Variants in DMXL2 observed in about 807,000 individuals in gnomAD.
DMXL2 encodes the protein dmX-like protein 2.
In DMXL2, 103 loss-of-function variants were observed where a neutral mutation model predicts 331.1. The observed-to-expected ratio is 0.31, with a 90% confidence interval of 0.27 to 0.37. The LOEUF is 0.37. Ranked by LOEUF, DMXL2 falls within the 10% of genes least tolerant of loss-of-function variation. The probability of loss-of-function intolerance (pLI) is 1.00; values close to 1 mark genes in which losing one functional copy is unlikely to be tolerated. For missense variants in DMXL2, 3,171 were observed against 3,642.9 expected, an observed-to-expected ratio of 0.87 and a Z score of 3.33; for synonymous variants, 1,281 against 1,252.1, an observed-to-expected ratio of 1.02 and a Z score of -0.49.
intron 33 of DMXL2, chr15:51,460,215 C>A (rs529077211): frequency 9.1e-6 from 9 of 985,580 alleles, no homozygotes; most frequent in Non-Finnish European, 1.1e-5. Flanking sequence ...AGGATGGCTG[C>A]AATCAGAAGT....
chr15:51,608,804 A>G (rs1355884799), intron 1 of DMXL2, among the ~76,000 whole-genome samples: 2 of 152,212 alleles, frequency 1.3e-5, no homozygotes, highest in Non-Finnish European at 2.9e-5. Context: ...ACAACATTAC[A>G]ACACTAACAG....
intron 2 of DMXL2, among the ~76,000 whole-genome samples, chr15:51,571,976 C>CA (rs1262197792): frequency 1.3e-5 from 2 of 152,046 alleles, no homozygotes; most frequent in Non-Finnish European, 2.9e-5. Flanking sequence ...AAAAACTCTT[C>CA]AAAAAATCAA....
intron 23 of DMXL2, among the ~76,000 whole-genome samples, chr15:51,483,916 C>T (rs2042201803): frequency 6.6e-6 from 1 of 152,012 alleles, no homozygotes; most frequent in African/African-American, 2.4e-5. Flanking sequence ...GAGAAATAGC[C>T]CCATGAGCCC....
chr15:51,609,998 T>C (rs1018811314), intron 1 of DMXL2, among the ~76,000 whole-genome samples: 5 of 151,790 alleles, frequency 3.3e-5, no homozygotes, highest in African/African-American at 1.2e-4. Flanking sequence ...GACGATGAAA[T>C]TGCCTAGCAA....
Position 51,479,964 on chromosome 15 carries a change from C to A in DMXL2, c.6740G>T (p.Ser2247Ile). Residue 2247 changes from serine to isoleucine, a missense_variant, in exon 25 of 44, where the codon AGT (serine) becomes ATT (isoleucine). Around this residue, in one of 7 missense-constraint regions of DMXL2, gnomAD observed 197 missense variants for 196.2 expected, o/e 1.00. Coordinates refer to ENST00000560891, the MANE Select transcript of DMXL2 (RefSeq NM_001378457.1). ...IVQMKTPPHP[S>I]IEDVKVHTLH... ...TTACATTACCTTCACATCTTCAATACTGGGATGAGGTGGTGTTTTCATCTG... is the reference window on the plus strand; with the variant it reads ...TTACATTACCTTCACATCTTCAATAATGGGATGAGGTGGTGTTTTCATCTG... 1 of 1,513,776 alleles carries A rather than the reference C, an allele frequency of 6.6e-7. No individual in the cohort carries two copies. The highest frequency in any genetic ancestry group is 1.3e-5 in the South Asian group (1 of 75,638). The allele number at this position is 1,513,776 out of a possible 1,614,324, so 93.8% of individuals were successfully genotyped here. A position where few individuals can be genotyped will look rare whatever the true frequency, so the allele number is the denominator to read the frequency against.
chr15:51,568,819 G>A (rs2050465304), intron 2 of DMXL2, among the ~76,000 whole-genome samples: 1 of 152,138 alleles, frequency 6.6e-6, no homozygotes, highest in Non-Finnish European at 1.5e-5. Context: ...CAGCTGCCAA[G>A]ATGGCTGAAT....
At chr15:51,574,579 T>G (rs879414930) in intron 2 of DMXL2, among the ~76,000 whole-genome samples, 1 of 152,184 alleles carries the variant, frequency 6.6e-6, no homozygotes, top group African/African-American at 2.4e-5. Context: ...AAAAGTGTTG[T>G]GAATAATTCC....
chr15:51,564,261 C>A lies in DMXL2; in HGVS notation c.365-1G>T. ...TCAGTTGCTGTCAACAATCTATTAT[C>A]TGAAAATTAAAGAATGTTATGATGA... On this transcript the variant is annotated splice_acceptor_variant, in intron 4 of 43. Coordinates refer to ENST00000560891, the MANE Select transcript of DMXL2 (RefSeq NM_001378457.1). LOFTEE classifies it high-confidence loss of function. 6.4e-7 allele frequency: 1 copy of A among 1,572,062 alleles called. No individual in the cohort carries two copies. Among genetic ancestry groups the A allele is most frequent in the Non-Finnish European group, 8.6e-7 (1 of 1,165,014 alleles).
Position 51,616,078 on chromosome 15 carries a change from T to C in DMXL2, c.87+6381A>G, listed in dbSNP as rs148633273. Reference sequence around the variant, plus strand: ...TATGAATTAAATTAAATGTTATTACTCCCAAGGCTCAGTTTTTAGAAGACA... The same window carrying C: ...TATGAATTAAATTAAATGTTATTACCCCCAAGGCTCAGTTTTTAGAAGACA... On this transcript the variant is annotated intron_variant, in intron 1 of 43. Coordinates refer to ENST00000560891, the MANE Select transcript of DMXL2 (RefSeq NM_001378457.1). Among the ~76,000 whole-genome samples the C allele has an allele frequency of 9.6e-3, 1,457 of 152,236 alleles. 18 individuals carry two copies. The highest frequency in any genetic ancestry group is 0.033 in the African/African-American group (1,386 of 41,514).
intron 12 of DMXL2, 97 bp downstream of exon 12, chr15:51,536,069 T>C (rs1232556751): frequency 8.8e-6 from 10 of 1,137,680 alleles, no homozygotes; most frequent in African/African-American, 1.6e-5. Context: ...TGAATACTTA[T>C]TAAAAATCTT....
At chr15:51,592,150 A>G (rs939669477) in intron 1 of DMXL2, among the ~76,000 whole-genome samples, 12 of 152,156 alleles carry the variant, frequency 7.9e-5, no homozygotes, top group Non-Finnish European at 1.6e-4. Context: ...CCCATGGCAA[A>G]GAAGTTAAAA....
chr15:51,462,017 G>A (rs1179937451), intron 33 of DMXL2, among the ~76,000 whole-genome samples: 1 of 152,094 alleles, frequency 6.6e-6, no homozygotes, highest in African/African-American at 2.4e-5. Context: ...AGGGTCTTTT[G>A]TTATGAAAAA....
chr15:51,451,071 A>G (rs1036450609), intron 42 of DMXL2, among the ~76,000 whole-genome samples: 1 of 152,228 alleles, frequency 6.6e-6, no homozygotes. Flanking sequence ...TCTTAAAAGG[A>G]ATAATATTTA....
intron 22 of DMXL2, among the ~76,000 whole-genome samples, chr15:51,487,448 T>C (rs1425180396): frequency 6.7e-6 from 1 of 148,738 alleles, no homozygotes; most frequent in East Asian, 2.0e-4. Context: ...CAATGTGCCA[T>C]ATATGAAATT....
intron 1 of DMXL2, among the ~76,000 whole-genome samples, chr15:51,610,235 G>C (rs904378612): frequency 6.6e-6 from 1 of 152,072 alleles, no homozygotes; most frequent in Non-Finnish European, 1.5e-5. Context: ...TCACCAAGAA[G>C]ATATAATAAT....
chr15:51,582,018 A>G (rs2051460788), intron 1 of DMXL2, among the ~76,000 whole-genome samples: 1 of 152,186 alleles, frequency 6.6e-6, no homozygotes, highest in Non-Finnish European at 1.5e-5. Flanking sequence ...CCTGGGAGTG[A>G]GTTTTGATCA....
chr15:51,531,109 T>C (rs2047977914), intron 13 of DMXL2, among the ~76,000 whole-genome samples: 1 of 151,942 alleles, frequency 6.6e-6, no homozygotes, highest in Admixed American at 6.6e-5. Flanking sequence ...ACTGGAAAAA[T>C]CATATTATCT....
intron 32 of DMXL2, 110 bp downstream of exon 32, chr15:51,464,565 C>A: frequency 1.2e-6 from 1 of 832,136 alleles, no homozygotes; most frequent in Middle Eastern, 3.7e-4. Context: ...AAAAATAGGA[C>A]TGCAGGTTCA....
chr15:51,579,489 T>C (rs976852461), intron 1 of DMXL2, among the ~76,000 whole-genome samples: 1 of 152,198 alleles, frequency 6.6e-6, no homozygotes, highest in Non-Finnish European at 1.5e-5. Flanking sequence ...GTTCCCACTA[T>C]ACTGAATGGT....
Sources: gnomAD v4.1 joint callset for allele counts (sites outside exome capture counted in the v4.1 genomes callset) on GRCh38, gnomAD v4.1.1 for gene constraint, gnomAD v4.1.1 regional missense constraint, MANE v1.5 for transcripts, NCBI Gene and HGNC (gene_info 2026-07-23, HGNC 2026-07-21) for gene names.